The following DCAF1 variants were observed in gnomAD, a reference collection of about 807,000 sequenced individuals.
DCAF1 encodes the protein DDB1 and CUL4 associated factor 1.
A neutral mutation model predicts 128.0 loss-of-function variants in DCAF1; 15 were observed. The observed-to-expected ratio is 0.12, with a 90% CI of 0.08 to 0.18. The LOEUF (loss-of-function observed/expected upper bound fraction) is 0.18, where lower values mean the gene tolerates loss of function less well. Ranked by LOEUF, DCAF1 falls within the 10% of genes least tolerant of loss-of-function variation. The probability of loss-of-function intolerance (pLI) is 1.00; values close to 1 mark genes in which losing one functional copy is unlikely to be tolerated. For missense variants in DCAF1, 988 were observed against 1,649.5 expected (o/e 0.60, Z 6.95); for synonymous variants, 610 against 603.0 (o/e 1.01, Z -0.17).
chr3:51,467,600 T>G (rs1553646943), intron 4 of DCAF1, among the ~76,000 whole-genome samples: 1 of 152,114 alleles, frequency 6.6e-6, no homozygotes, highest in East Asian at 1.9e-4. Context: ...TATACATATG[T>G]AACAAACCTG....
At chr3:51,499,430 G>A (rs573532206) in intron 1 of DCAF1, among the ~76,000 whole-genome samples, 31 of 152,334 alleles carry the variant, frequency 2.0e-4, no homozygotes, top group African/African-American at 2.4e-5. Flanking sequence ...GGTGACTGGA[G>A]CTGGAGGCGG....
chr3:51,436,994 G>A (rs143006256), intron 9 of DCAF1, among the ~76,000 whole-genome samples: 243 of 152,178 alleles, frequency 1.6e-3, no homozygotes, highest in African/African-American at 5.3e-3. Flanking sequence ...CAGGTGCAGC[G>A]GCTCACGCCT....
At chr3:51,411,507 A>C (rs1553628400) in intron 23 of DCAF1, among the ~76,000 whole-genome samples, 2 of 152,200 alleles carry the variant, frequency 1.3e-5, no homozygotes, top group Non-Finnish European at 2.9e-5. Flanking sequence ...CACCTAGCGT[A>C]ATACAACCAC....
chr3:51,467,677 A>C (rs570739848), intron 4 of DCAF1, among the ~76,000 whole-genome samples: 1 of 152,212 alleles, frequency 6.6e-6, no homozygotes, highest in East Asian at 1.9e-4. Context: ...AAAGAAACAT[A>C]ATTTAAAAAT....
chr3:51,476,860 G>A (rs1705522290), intron 3 of DCAF1, among the ~76,000 whole-genome samples: 1 of 151,840 alleles, frequency 6.6e-6, no homozygotes, highest in Non-Finnish European at 1.5e-5. Flanking sequence ...GGGCAACAGA[G>A]CAGACTCCGT....
intron 3 of DCAF1, among the ~76,000 whole-genome samples, chr3:51,481,240 G>C (rs948257115): frequency 7.2e-5 from 11 of 152,342 alleles, no homozygotes; most frequent in African/African-American, 2.6e-4. Context: ...GAAAAAGGAA[G>C]TCGGAGAAGA....
chr3:51,466,886 G>A lies in DCAF1; in HGVS notation c.188-10C>T, dbSNP rs1704178776. The A allele has an allele frequency of 7.4e-6, 12 of 1,613,300 alleles. No individual in the cohort carries two copies. Among genetic ancestry groups the A allele is most frequent in the Non-Finnish European group, 1.0e-5 (12 of 1,179,530 alleles). ...TCTGGATCAGCTCGACCTACCAAGA[G>A]AAGAGGGGAGGAACAAACAAAGGAA... On this transcript the variant is annotated splice_polypyrimidine_tract_variant and intron_variant, in intron 4 of 24. Transcript: ENST00000684031.
chr3:51,463,051 C>A, intron 6 of DCAF1, 63 bp downstream of exon 6: 1 of 1,130,710 alleles, frequency 8.8e-7, no homozygotes, highest in South Asian at 1.8e-5. Flanking sequence ...ACCACAAAGA[C>A]AAATCAAATA....
At chr3:51,469,897 T>G (rs1704549630) in intron 4 of DCAF1, among the ~76,000 whole-genome samples, 1 of 152,128 alleles carries the variant, frequency 6.6e-6, no homozygotes, top group Non-Finnish European at 1.5e-5. Flanking sequence ...GGTGCATGCT[T>G]GTAATCCCAG....
intron 3 of DCAF1, among the ~76,000 whole-genome samples, chr3:51,473,075 G>C (rs1237523656): frequency 1.4e-5 from 2 of 146,692 alleles, no homozygotes; most frequent in Admixed American, 6.8e-5. Flanking sequence ...TCAGGAGTTC[G>C]AGACCAGCCT....
At chr3:51,497,210 G>A (rs571359288) in intron 1 of DCAF1, among the ~76,000 whole-genome samples, 6 of 152,210 alleles carry the variant, frequency 3.9e-5, no homozygotes, top group East Asian at 1.9e-4. Context: ...CATGAGAATC[G>A]CTTGAACCTG....
chr3:51,483,627 G>GTT, intron 3 of DCAF1, 92 bp downstream of exon 3: 1 of 816,558 alleles, frequency 1.2e-6, no homozygotes, highest in Non-Finnish European at 2.1e-6. Context: ...GTGTGTGTGT[G>GTT]TGTGTGTGTG....
At chr3:51,478,276 A>T (rs1305157368) in intron 3 of DCAF1, among the ~76,000 whole-genome samples, 1 of 152,126 alleles carries the variant, frequency 6.6e-6, no homozygotes, top group African/African-American at 2.4e-5. Flanking sequence ...AACTGCTAGG[A>T]TTACAAGTGT....
intron 6 of DCAF1, among the ~76,000 whole-genome samples, chr3:51,452,397 CT>C (rs1702447792): frequency 6.6e-6 from 1 of 152,066 alleles, no homozygotes; most frequent in African/African-American, 2.4e-5. Context: ...GCATAGGATA[CT>C]TCTGAAGAGT....
chr3:51,423,713 G>T (rs1699641628), intron 13 of DCAF1, among the ~76,000 whole-genome samples: 1 of 151,716 alleles, frequency 6.6e-6, no homozygotes, highest in Non-Finnish European at 1.5e-5. Context: ...CAGCTACTCA[G>T]GAGGCTGAGG....
At chr3:51,416,979 A>C in intron 17 of DCAF1, 108 bp from the exon 18 acceptor site, 1 of 1,498,382 alleles carries the variant, frequency 6.7e-7, no homozygotes. Flanking sequence ...ACACTCACCT[A>C]AAGATCCTGG....
chr3:51,462,476 T>C (rs1380692303), intron 6 of DCAF1, among the ~76,000 whole-genome samples: 1 of 151,974 alleles, frequency 6.6e-6, no homozygotes, highest in African/African-American at 2.4e-5. Context: ...CCAGGTGCGA[T>C]GGCTCACGCC....
At chr3:51,425,849 C>A (rs1553633966) in intron 13 of DCAF1, among the ~76,000 whole-genome samples, 1 of 151,916 alleles carries the variant, frequency 6.6e-6, no homozygotes, top group African/African-American at 2.4e-5. Flanking sequence ...CAGGTATGAA[C>A]CACCACGCCT....
intron 20 of DCAF1, 76 bp downstream of exon 20, chr3:51,413,874 T>A: frequency 7.4e-7 from 1 of 1,344,298 alleles, no homozygotes; most frequent in Non-Finnish European, 9.6e-7. Flanking sequence ...TGAGAGATGG[T>A]TCCAAAAAGA....
Sources: allele counts gnomAD v4.1 joint callset (sites outside exome capture counted in the v4.1 genomes callset), GRCh38; gene constraint gnomAD v4.1.1; transcripts MANE v1.5; gene names NCBI Gene and HGNC (gene_info 2026-07-23, HGNC 2026-07-21).